The following DPP6 variants were observed in gnomAD, a reference collection of about 807,000 sequenced individuals.
DPP6 encodes dipeptidyl peptidase like 6.
DPP6 carries 69 observed loss-of-function variants against 122.6 expected under a neutral mutation model. The observed-to-expected ratio is 0.56, with a 90% confidence interval of 0.46 to 0.69. The LOEUF (loss-of-function observed/expected upper bound fraction) is 0.69, where lower values mean the gene tolerates loss of function less well. DPP6 is among the 30% of genes least tolerant of loss of function. The pLI is 0.00. For missense variants in DPP6, 928 were observed against 1,116.9 expected, an observed-to-expected ratio of 0.83 and a Z score of 2.41; for synonymous variants, 418 against 433.1, an observed-to-expected ratio of 0.97 and a Z score of 0.43.
intron 1 of DPP6, among the ~76,000 whole-genome samples, chr7:154,011,174 C>T (rs1798138505): frequency 6.6e-6 from 1 of 152,324 alleles, no homozygotes; most frequent in Middle Eastern, 3.4e-3. Context: ...ACAAATTACT[C>T]CCTTAACCCA....
intron 1 of DPP6, among the ~76,000 whole-genome samples, chr7:153,983,472 G>T (rs1747551892): frequency 6.6e-6 from 1 of 152,236 alleles, no homozygotes; most frequent in African/African-American, 2.4e-5. Flanking sequence ...GTAGATCTTA[G>T]CTTATTGGGC....
Position 154,451,752 on chromosome 7 carries a change from A to T in DPP6, c.358+5424A>T, listed in dbSNP as rs185693022. Among the ~76,000 whole-genome samples, 461 of 152,218 alleles carry T rather than the reference A, an allele frequency of 3.0e-3. 4 individuals are homozygous for T. The highest frequency in any genetic ancestry group is 3.3e-3 in the Non-Finnish European group (226 of 68,010). Reference sequence around the variant, plus strand: ...AATTCCAGAGAAGGCTTTGGAGGGGAATTTGCTTTTCTTGTTCCATCACAA... The same window carrying T: ...AATTCCAGAGAAGGCTTTGGAGGGGTATTTGCTTTTCTTGTTCCATCACAA... On this transcript the variant is annotated intron_variant, in intron 2 of 25. Coordinates refer to ENST00000377770, the MANE Select transcript of DPP6 (RefSeq NM_130797.4).
intron 4 of DPP6, among the ~76,000 whole-genome samples, chr7:154,550,701 A>G (rs577067730): frequency 9.2e-5 from 14 of 151,998 alleles, no homozygotes; most frequent in Non-Finnish European, 1.6e-4. Context: ...CTAAACATAC[A>G]CAAACACAAA....
At chr7:154,717,302 T>C (rs1242588573) in intron 7 of DPP6, among the ~76,000 whole-genome samples, 3 of 152,196 alleles carry the variant, frequency 2.0e-5, no homozygotes, top group African/African-American at 7.2e-5. Context: ...TACCCAACTG[T>C]GTAATGGAAT....
At chr7:154,079,173 G>A (rs141270729) in intron 1 of DPP6, among the ~76,000 whole-genome samples, 1,924 of 152,172 alleles carry the variant, frequency 0.013, 35 homozygotes, top group African/African-American at 0.043. Flanking sequence ...CCATCCTGGG[G>A]GACAGAGCTA....
chr7:154,104,875 C>T (rs116666166), intron 1 of DPP6, among the ~76,000 whole-genome samples: 2,035 of 145,346 alleles, frequency 0.014, 54 homozygotes, highest in African/African-American at 0.05. Context: ...GTGTGTGTGC[C>T]TACATAACAA....
At chr7:153,822,032 C>T in the DPP6 span, among the ~76,000 whole-genome samples, 1 of 152,280 alleles carries the variant, frequency 6.6e-6, no homozygotes, top group African/African-American at 2.4e-5. Flanking sequence ...ATGTGGCTCA[C>T]GGGTTTGCCA....
intron 1 of DPP6, among the ~76,000 whole-genome samples, chr7:154,346,305 T>C (rs1810390013): frequency 6.6e-6 from 1 of 152,062 alleles, no homozygotes; most frequent in South Asian, 2.1e-4. Flanking sequence ...TCTTTCATCT[T>C]TCTTTTTTTT....
intron 1 of DPP6, among the ~76,000 whole-genome samples, chr7:154,128,454 T>C (rs1808097423): frequency 6.6e-6 from 1 of 152,114 alleles, no homozygotes; most frequent in Non-Finnish European, 1.5e-5. Flanking sequence ...CAGGCTGGAG[T>C]GCAGTGGTAC....
At chr7:154,860,481 A>G (rs1218449968) in intron 17 of DPP6, among the ~76,000 whole-genome samples, 1 of 152,168 alleles carries the variant, frequency 6.6e-6, no homozygotes, top group Non-Finnish European at 1.5e-5. Context: ...CCATGGTGGA[A>G]AGGATGAGAG....
intron 1 of DPP6, among the ~76,000 whole-genome samples, chr7:154,131,838 C>G (rs1415780646): frequency 1.3e-5 from 2 of 152,106 alleles, no homozygotes; most frequent in Non-Finnish European, 2.9e-5. Context: ...TTTCATGAAA[C>G]TCAACATAAA....
chr7:154,728,460 AG>A (rs1842177246), intron 8 of DPP6, among the ~76,000 whole-genome samples: 1 of 152,180 alleles, frequency 6.6e-6, no homozygotes, highest in African/African-American at 2.4e-5. Flanking sequence ...TAGAAGTCAG[AG>A]GGGGAAGCTC....
chr7:154,626,577 G>A (rs1835079489), intron 5 of DPP6, among the ~76,000 whole-genome samples: 1 of 152,226 alleles, frequency 6.6e-6, no homozygotes, highest in East Asian at 1.9e-4. Context: ...ATAGCGTTGG[G>A]TGTGGTATGG....
rs749639096 is a variant in DPP6, at chr7:154,587,857, G to A, written c.627+20941G>A. 4 of 1,612,726 alleles carry A rather than the reference G, an allele frequency of 2.5e-6. No homozygotes were observed. In the African/African-American group the frequency reaches 4.0e-5, roughly 16 times the overall value. ...ATTGCCAGCTTGCCATGTACAAGGG[G>A]GACCTGTTTCAGATATTCCATGGAG... On this transcript the variant is annotated intron_variant, in intron 5 of 25. Coordinates refer to ENST00000377770, the MANE Select transcript of DPP6 (RefSeq NM_130797.4).
At chr7:154,825,796 G>T (rs144671088) in intron 16 of DPP6, among the ~76,000 whole-genome samples, 1 of 152,364 alleles carries the variant, frequency 6.6e-6, no homozygotes, top group African/African-American at 2.4e-5. Flanking sequence ...ACAGCACGTG[G>T]AGAAGGAACA....
At position 154,727,830 on chromosome 7, in the gene DPP6, G is replaced by T; in HGVS notation, c.826G>T (p.Val276Phe). The T allele has an allele frequency of 6.2e-7, 1 of 1,613,892 alleles. No homozygotes were observed. The highest frequency in any genetic ancestry group is 8.5e-7 in the Non-Finnish European group (1 of 1,179,842). The stretch of plus-strand genomic sequence containing the variant: ...TGTCGGGAAACAGGCCATCCGTGTG[G>T]TCTCCACTGGCAAGGAAGGTGTGAT... ...AHVGKQAIRVVSTGKEGVIYN... is the reference protein window; with the variant it reads ...AHVGKQAIRVFSTGKEGVIYN... The change falls in exon 8 of 26, where the codon GTC (valine) becomes TTC (phenylalanine). Residue 276 changes from valine to phenylalanine, a missense_variant. Val to Phe is a conservative substitution (Grantham distance 50). Coordinates refer to ENST00000377770, the MANE Select transcript of DPP6 (RefSeq NM_130797.4).
intron 1 of DPP6, among the ~76,000 whole-genome samples, chr7:154,190,384 T>A (rs1485649904): frequency 6.6e-6 from 1 of 152,074 alleles, no homozygotes; most frequent in Non-Finnish European, 1.5e-5. Context: ...CCTCTAGTAA[T>A]GTCAAGATTT....
chr7:154,017,998 A>G (rs1457850596), intron 1 of DPP6, among the ~76,000 whole-genome samples: 6 of 152,222 alleles, frequency 3.9e-5, no homozygotes, highest in Non-Finnish European at 5.9e-5. Flanking sequence ...GCAGGGCCAG[A>G]TGAAATTCAC....
intron 1 of DPP6, among the ~76,000 whole-genome samples, chr7:153,893,873 G>C (rs1179931176): frequency 1.3e-5 from 2 of 152,224 alleles, no homozygotes; most frequent in African/African-American, 2.4e-5. Flanking sequence ...ATTGGCCCTG[G>C]AGAAGCTTTT....
Sources: allele counts gnomAD v4.1 joint callset (sites outside exome capture counted in the v4.1 genomes callset), GRCh38; gene constraint gnomAD v4.1.1; transcripts MANE v1.5; gene names NCBI Gene and HGNC (gene_info 2026-07-23, HGNC 2026-07-21).